The following PLXNA4 variants were observed in gnomAD, a reference collection of about 807,000 sequenced individuals.
PLXNA4 encodes the protein plexin A4.
PLXNA4 carries 44 observed loss-of-function variants against 191.8 expected under a neutral mutation model. The observed-to-expected ratio is 0.23, with a 90% CI of 0.18 to 0.29. The LOEUF is 0.29. Among genes scored for constraint, PLXNA4 ranks in the 10% least tolerant of loss-of-function variants. The pLI is 1.00. For synonymous variants in PLXNA4, 1,082 were observed against 1,009.5 expected (o/e 1.07, Z -1.36); for missense variants, 1,800 against 2,488.8 (o/e 0.72, Z 5.89).
At chr7:132,385,770 A>AGT (rs1805109657) in intron 3 of PLXNA4, among the ~76,000 whole-genome samples, 1 of 152,254 alleles carries the variant, frequency 6.6e-6, no homozygotes. Flanking sequence ...ACACATTCTC[A>AGT]GTGACAAGTC....
At chr7:132,555,856 C>T (rs1191194879) in intron 1 of PLXNA4, among the ~76,000 whole-genome samples, 1 of 152,214 alleles carries the variant, frequency 6.6e-6, no homozygotes, top group Non-Finnish European at 1.5e-5. Flanking sequence ...TCAGAGTCTA[C>T]ACTGTTTGTT....
intron 3 of PLXNA4, among the ~76,000 whole-genome samples, chr7:132,451,457 A>C (rs1327974644): frequency 6.6e-6 from 1 of 152,160 alleles, no homozygotes; most frequent in Non-Finnish European, 1.5e-5. Flanking sequence ...GCATGTCCAC[A>C]AGGGCAGATG....
intron 3 of PLXNA4, among the ~76,000 whole-genome samples, chr7:132,410,724 T>TG (rs1159757186): frequency 1.3e-5 from 2 of 152,216 alleles, no homozygotes; most frequent in East Asian, 3.8e-4. Flanking sequence ...AAGGCGCTGG[T>TG]GGGGAAGACT....
chr7:132,159,334 T>G, intron 25 of PLXNA4, 139 bp downstream of exon 25: 2 of 1,388,790 alleles, frequency 1.4e-6, no homozygotes, highest in Non-Finnish European at 2.0e-6. Context: ...CCTGCGGGGG[T>G]CCAGCCATGC....
Position 132,147,797 on chromosome 7 carries a change from A to G in PLXNA4, c.4864+103T>C, listed in dbSNP as rs151219039. The G allele has an allele frequency of 2.6e-4, 388 of 1,487,250 alleles. 2 individuals are homozygous for G. The African/African-American group carries it at 4.6e-3, about 18-fold the overall frequency. The allele number at this position is 1,487,250 out of a possible 1,614,324, so 92.1% of individuals were successfully genotyped here. On this transcript the variant is annotated intron_variant, in intron 27 of 31. Transcript: ENST00000321063. ...CGATGGTCAGCCTGTCTGATGCCCC[A>G]TCTCCCCTCTCCAAGAGTCTCCTGC...
intron 25 of PLXNA4, among the ~76,000 whole-genome samples, chr7:132,157,783 A>G (rs900810337): frequency 6.6e-6 from 1 of 152,072 alleles, no homozygotes; most frequent in Non-Finnish European, 1.5e-5. Flanking sequence ...ACCAAACTCA[A>G]TTCTCCCTGG....
chr7:132,518,112 T>G (rs1056715877), intron 1 of PLXNA4, among the ~76,000 whole-genome samples: 1 of 152,210 alleles, frequency 6.6e-6, no homozygotes, highest in Non-Finnish European at 1.5e-5. Context: ...CTCGCTACAG[T>G]CTGGGGCCCA....
At chr7:132,284,839 C>G (rs1424937515) in intron 4 of PLXNA4, among the ~76,000 whole-genome samples, 1 of 152,130 alleles carries the variant, frequency 6.6e-6, no homozygotes, top group East Asian at 1.9e-4. Flanking sequence ...CTCAGCCTCC[C>G]AAGCAGCTGG....
intron 25 of PLXNA4, among the ~76,000 whole-genome samples, chr7:132,151,317 G>GAGGAGGAAGA (rs1795602678): frequency 1.4e-5 from 1 of 69,120 alleles, no homozygotes; most frequent in Admixed American, 1.2e-4. Flanking sequence ...GAAGAAGGAG[G>GAGGAGGAAGA]AGGAGGAGGA....
intron 1 of PLXNA4, among the ~76,000 whole-genome samples, chr7:132,524,145 T>C (rs983084778): frequency 6.6e-6 from 1 of 152,034 alleles, no homozygotes; most frequent in Admixed American, 6.6e-5. Flanking sequence ...AAAAGCCCCA[T>C]AGAGATGGGG....
chr7:132,332,447 G>A (rs939810830), intron 3 of PLXNA4, among the ~76,000 whole-genome samples: 12 of 152,262 alleles, frequency 7.9e-5, no homozygotes, highest in Admixed American at 2.6e-4. Flanking sequence ...GAGATGGTGC[G>A]AGCTAGGGAA....
At chr7:132,363,040 A>G (rs1804011238) in intron 3 of PLXNA4, among the ~76,000 whole-genome samples, 1 of 152,100 alleles carries the variant, frequency 6.6e-6, no homozygotes. Context: ...GCTGGAGTGC[A>G]ATGGTGTGAT....
chr7:132,556,308 C>T (rs566476876), intron 1 of PLXNA4, among the ~76,000 whole-genome samples: 10 of 152,176 alleles, frequency 6.6e-5, no homozygotes, highest in Non-Finnish European at 1.5e-4. Flanking sequence ...AGGTGACCCG[C>T]TATATCAGCA....
chr7:132,400,738 T>C (rs971696165), intron 3 of PLXNA4, among the ~76,000 whole-genome samples: 4 of 152,160 alleles, frequency 2.6e-5, no homozygotes, highest in African/African-American at 9.7e-5. Context: ...AAACCTTTCA[T>C]CTTGCAAGTC....
chr7:132,420,347 G>A (rs1238548741), intron 3 of PLXNA4, among the ~76,000 whole-genome samples: 1 of 152,170 alleles, frequency 6.6e-6, no homozygotes, highest in South Asian at 2.1e-4. Context: ...CTGAGCTGCT[G>A]GTCCAGGGGA....
At chr7:132,172,176 C>G (rs998959470) in intron 21 of PLXNA4, among the ~76,000 whole-genome samples, 3 of 152,346 alleles carry the variant, frequency 2.0e-5, no homozygotes, top group African/African-American at 7.2e-5. Flanking sequence ...ACAAGACTTT[C>G]TTTATTCACC....
chr7:132,369,625 C>A (rs1216671009), intron 3 of PLXNA4, among the ~76,000 whole-genome samples: 1 of 152,138 alleles, frequency 6.6e-6, no homozygotes, highest in Non-Finnish European at 1.5e-5. Flanking sequence ...CAGTAGCCAT[C>A]ACCGAAAAGC....
chr7:132,400,958 C>T (rs1054448278), intron 3 of PLXNA4, among the ~76,000 whole-genome samples: 8 of 152,158 alleles, frequency 5.3e-5, no homozygotes, highest in African/African-American at 9.7e-5. Context: ...ATTTCATTCC[C>T]GAGCCCTGCA....
intron 3 of PLXNA4, among the ~76,000 whole-genome samples, chr7:132,466,566 G>A (rs1027276986): frequency 6.6e-6 from 1 of 152,218 alleles, no homozygotes; most frequent in Admixed American, 6.5e-5. Context: ...CTGCTGTGGG[G>A]AAACCCCCTT....
Sources: allele counts gnomAD v4.1 joint callset (sites outside exome capture counted in the v4.1 genomes callset), GRCh38; gene constraint gnomAD v4.1.1; transcripts MANE v1.5; gene names NCBI Gene and HGNC (gene_info 2026-07-23, HGNC 2026-07-21).